TEX9: variants seen among roughly 807,000 people sequenced by gnomAD.
The protein encoded by TEX9 is testis expressed 9.
In TEX9, 74 loss-of-function variants were observed where a neutral mutation model predicts 59.6. That is an observed-to-expected ratio of 1.24 (90% confidence interval 1.03 to 1.51). The LOEUF (loss-of-function observed/expected upper bound fraction) is 1.51, where lower values mean the gene tolerates loss of function less well. TEX9 is among the 40% of genes most tolerant of loss of function. The pLI, the probability that TEX9 is intolerant of heterozygous loss-of-function variation, is 0.00. For missense variants in TEX9, 522 were observed against 447.8 expected, an observed-to-expected ratio of 1.17 and a Z score of -1.49; for synonymous variants, 186 against 152.2, an observed-to-expected ratio of 1.22 and a Z score of -1.64.
chr15:56,297,885 A>G (rs1425680273), intron 1 of TEX9, among the ~76,000 whole-genome samples: 1 of 152,238 alleles, frequency 6.6e-6, no homozygotes, highest in Admixed American at 6.5e-5. Context: ...CCTGAGGCCA[A>G]CTACTGTGCC....
chr15:56,418,071 A>T (rs1338193137), intron 10 of TEX9, among the ~76,000 whole-genome samples: 2 of 151,840 alleles, frequency 1.3e-5, no homozygotes, highest in Non-Finnish European at 2.9e-5. Context: ...TATGAGAGTC[A>T]TTAAATGTCA....
intron 4 of TEX9, among the ~76,000 whole-genome samples, chr15:56,384,718 G>A (rs2047885756): frequency 6.6e-6 from 1 of 152,148 alleles, no homozygotes; most frequent in Non-Finnish European, 1.5e-5. Context: ...TTGGAGGCTG[G>A]AAAGATAAAG....
intron 1 of TEX9, among the ~76,000 whole-genome samples, chr15:56,285,787 A>G (rs1169481978): frequency 6.6e-6 from 1 of 152,220 alleles, no homozygotes; most frequent in Non-Finnish European, 1.5e-5. Context: ...CTACATTTTT[A>G]TGTTAGGCAA....
chr15:56,443,388 T>C, intron 12 of TEX9: 1 of 1,397,186 alleles, frequency 7.2e-7, no homozygotes, highest in Non-Finnish European at 9.7e-7. Context: ...CAAAATTATA[T>C]TCTTCTCTAC....
At chr15:56,412,736 A>T (rs1443035004) in intron 10 of TEX9, among the ~76,000 whole-genome samples, 2 of 152,154 alleles carry the variant, frequency 1.3e-5, no homozygotes, top group African/African-American at 4.8e-5. Flanking sequence ...AAGTTGTTTA[A>T]AAAAAGTATC....
intron 12 of TEX9, among the ~76,000 whole-genome samples, chr15:56,431,160 C>T (rs887877258): frequency 4.6e-5 from 7 of 152,114 alleles, no homozygotes; most frequent in African/African-American, 1.4e-4. Flanking sequence ...TTCAGTAAAT[C>T]AAGCTCATAC....
intron 1 of TEX9, among the ~76,000 whole-genome samples, chr15:56,356,663 C>G (rs555413965): frequency 6.6e-6 from 1 of 152,220 alleles, no homozygotes; most frequent in South Asian, 2.1e-4. Flanking sequence ...TTTTAAGATA[C>G]AGTAAAATCC....
At chr15:56,274,107 A>G (rs1317479893) in intron 1 of TEX9, among the ~76,000 whole-genome samples, 1 of 152,080 alleles carries the variant, frequency 6.6e-6, no homozygotes, top group African/African-American at 2.4e-5. Flanking sequence ...TAGGATTACC[A>G]TTCTACATAG....
At chr15:56,339,397 A>AAAAAAC (rs1567091369) in intron 1 of TEX9, among the ~76,000 whole-genome samples, 1 of 61,024 alleles carries the variant, frequency 1.6e-5, no homozygotes, top group Non-Finnish European at 4.7e-5. Context: ...AAAAAAAAAA[A>AAAAAAC]AAAAAAAAAA....
At chr15:56,305,184 G>C (rs1320545978) in intron 1 of TEX9, among the ~76,000 whole-genome samples, 5 of 151,898 alleles carry the variant, frequency 3.3e-5, no homozygotes, top group African/African-American at 1.2e-4. Flanking sequence ...AGTTAATATT[G>C]TTTAAATATC....
chr15:56,455,269 A>C, the TEX9 span, among the ~76,000 whole-genome samples: 1 of 149,548 alleles, frequency 6.7e-6, no homozygotes, highest in African/African-American at 2.5e-5. Context: ...AAAAAAAAAA[A>C]AACCATGAGT....
chr15:56,413,664 C>G lies in TEX9; in HGVS notation c.963+1228C>G, dbSNP rs958010409. 3.3e-5 allele frequency among the ~76,000 whole-genome samples: 5 copies of G among 151,622 alleles called. No homozygotes were observed. In the East Asian group the frequency reaches 9.6e-4, roughly 29 times the overall value. ...TTATACCATATTTGTTTTTCTTTAA[C>G]TGGCTTATTTCACTTAACATAATGT... On this transcript the variant is annotated intron_variant, in intron 10 of 12. Coordinates refer to ENST00000352903, the Ensembl canonical transcript of TEX9.
At chr15:56,250,997 C>G (rs1351745793) in intron 1 of TEX9, among the ~76,000 whole-genome samples, 1 of 152,210 alleles carries the variant, frequency 6.6e-6, no homozygotes, top group East Asian at 1.9e-4. Flanking sequence ...CTCTGTAAGT[C>G]ACTCCTCATG....
At chr15:56,449,212 C>A (rs1309210440), downstream of TEX9, among the ~76,000 whole-genome samples, 1 of 152,070 alleles carries the variant, frequency 6.6e-6, no homozygotes. Context: ...TAAAAGCTGT[C>A]AGAGCAGGCA....
rs1317422096 is a variant in TEX9, at chr15:56,369,648, A to G, written c.120-3793A>G. On this transcript the variant is annotated intron_variant, in intron 2 of 12. Coordinates refer to ENST00000352903, the Ensembl canonical transcript of TEX9. ...GTTTATTTTAAATTGCATTATGATT[A>G]GAGAATTGATGTGATATTAAGTTTT... Among the ~76,000 whole-genome samples, 5 of 152,276 alleles carry G rather than the reference A, an allele frequency of 3.3e-5. No individual in the cohort carries two copies. In the East Asian group the frequency reaches 5.8e-4, roughly 18 times the overall value.
In TEX9 at chr15:56,434,478, A is replaced by G. The variant is rs142662054; in HGVS notation, c.*29+6005A>G. 5.1e-3 allele frequency: 6,941 copies of G among 1,366,012 alleles called. 25 individuals carry two copies. Among genetic ancestry groups the G allele is most frequent in the Middle Eastern group, 0.012 (50 of 4,106 alleles). 84.6% of individuals were successfully genotyped at this position (1,366,012 alleles called of 1,614,324 possible). ...GGAAAGAGTGATAGAGTTTGGTTAAATTTAGTATTACAATATGAAATCATA... is the reference window on the plus strand; with the variant it reads ...GGAAAGAGTGATAGAGTTTGGTTAAGTTTAGTATTACAATATGAAATCATA... On this transcript the variant is annotated intron_variant, in intron 12 of 12. Coordinates refer to ENST00000352903, the Ensembl canonical transcript of TEX9.
Position 56,427,671 on chromosome 15 carries a change from CA to C in TEX9, c.1035del (p.Gly346GlufsTer3), listed in dbSNP as rs2050372838. 1.3e-6 allele frequency: 2 copies of C among 1,530,548 alleles called. No individual in the cohort carries two copies. Among genetic ancestry groups the C allele is most frequent in the African/African-American group, 1.4e-5 (1 of 70,190 alleles). 94.8% of individuals were successfully genotyped at this position (1,530,548 alleles called of 1,614,324 possible). On this transcript the variant is annotated frameshift_variant, in exon 11 of 13. Coordinates refer to ENST00000352903, the Ensembl canonical transcript of TEX9. LOFTEE classifies it high-confidence loss of function. ...ATCAGAAAACAAGAAGCTAGAAAAA[CA>C]AAAAGGAGAATTAATGATAGGGTTC... is the stretch of plus-strand genomic sequence containing the variant.
chr15:56,301,400 C>A, intron 1 of TEX9, among the ~76,000 whole-genome samples: 1 of 151,802 alleles, frequency 6.6e-6, no homozygotes, highest in East Asian at 1.9e-4. Context: ...GAAAATTTTC[C>A]AAACTCAGAG....
intron 1 of TEX9, among the ~76,000 whole-genome samples, chr15:56,311,120 T>TGTTTCTTTTTTTTTTTA (rs2045601100): frequency 6.9e-6 from 1 of 145,328 alleles, no homozygotes; most frequent in African/African-American, 2.5e-5. Flanking sequence ...GGTGACTCCT[T>TGTTTCTTTTTTTTTTTA]ATTTCTTTTT....
Sources: gnomAD v4.1 joint callset for allele counts (sites outside exome capture counted in the v4.1 genomes callset) on GRCh38, gnomAD v4.1.1 for gene constraint, MANE v1.5 for transcripts, NCBI Gene and HGNC (gene_info 2026-07-23, HGNC 2026-07-21) for gene names.